Variants in TRABD2A observed in about 807,000 individuals in gnomAD.
The protein encoded by TRABD2A is TraB domain containing 2A.
In TRABD2A, 43 loss-of-function variants were observed where a neutral mutation model predicts 45.6. The ratio of observed to expected loss-of-function variants is 0.94; its 90% CI spans 0.74 to 1.22. The LOEUF is 1.22. Among genes scored for constraint, TRABD2A ranks in the 50% most tolerant of loss-of-function variants. TRABD2A has a pLI of 0.00. For missense variants in TRABD2A, 642 were observed against 652.4 expected, an observed-to-expected ratio of 0.98 and a Z score of 0.17; for synonymous variants, 269 against 265.0, an observed-to-expected ratio of 1.02 and a Z score of -0.15.
intron 4 of TRABD2A, chr2:84,837,989 A>G: frequency 2.4e-6 from 1 of 424,456 alleles, no homozygotes; most frequent in East Asian, 3.5e-5. Flanking sequence ...AACAGCTGCT[A>G]CTGATTGTTT....
Position 84,881,024 on chromosome 2 carries a change from A to C in TRABD2A, c.16T>G (p.Trp6Gly). 1 of 1,604,558 alleles carries C rather than the reference A, an allele frequency of 6.2e-7. No individual in the cohort carries two copies. Among genetic ancestry groups the C allele is most frequent in the Non-Finnish European group, 8.5e-7 (1 of 1,176,466 alleles). The stretch of plus-strand genomic sequence containing the variant: ...AGGCAGAGGGTCTGCAGCAGGAACC[A>C]GCTCCAGGGACTCATCCTCCTCAAG... MSPWS[W>G]FLLQTLCLLP... Residue 6 changes from tryptophan to glycine, a missense_variant, in exon 1 of 7, where the codon TGG becomes GGG. Trp to Gly is a radical substitution (Grantham distance 184). Coordinates refer to ENST00000409520, the MANE Select transcript of TRABD2A (RefSeq NM_001277053.2).
At chr2:84,860,847 G>T (rs552493041) in intron 2 of TRABD2A, among the ~76,000 whole-genome samples, 1 of 152,340 alleles carries the variant, frequency 6.6e-6, no homozygotes, top group Admixed American at 6.5e-5. Flanking sequence ...AGGTGGAGAA[G>T]GTGTGTGGGG....
At chr2:84,846,347 A>G (rs993422191) in intron 2 of TRABD2A, among the ~76,000 whole-genome samples, 2 of 152,216 alleles carry the variant, frequency 1.3e-5, no homozygotes, top group South Asian at 2.1e-4. Context: ...CATGGCTTTC[A>G]TGTGTGCTTA....
chr2:84,857,911 T>G (rs1189760331), intron 2 of TRABD2A, among the ~76,000 whole-genome samples: 4 of 152,214 alleles, frequency 2.6e-5, no homozygotes, highest in African/African-American at 9.6e-5. Context: ...AGTCTTGCTC[T>G]GTCACCCGGG....
intron 2 of TRABD2A, among the ~76,000 whole-genome samples, chr2:84,861,313 T>C (rs1399625528): frequency 5.9e-5 from 9 of 152,110 alleles, no homozygotes; most frequent in African/African-American, 2.2e-4. Context: ...CTCCATAGAG[T>C]AGAATCCGTA....
At chr2:84,838,008 C>A in intron 4 of TRABD2A, 1 of 449,044 alleles carries the variant, frequency 2.2e-6, no homozygotes, top group South Asian at 5.7e-5. Flanking sequence ...TTTCAACACA[C>A]ACCCTAAGAA....
intron 2 of TRABD2A, among the ~76,000 whole-genome samples, chr2:84,862,408 G>A (rs771946299): frequency 6.6e-5 from 10 of 152,150 alleles, no homozygotes; most frequent in Non-Finnish European, 1.2e-4. Flanking sequence ...GGGTTTCAAA[G>A]GAGCTCTCTA....
chr2:84,850,416 A>G (rs1360951850), intron 2 of TRABD2A, among the ~76,000 whole-genome samples: 7 of 152,090 alleles, frequency 4.6e-5, no homozygotes, highest in Non-Finnish European at 7.4e-5. Flanking sequence ...CTTGGGGAAG[A>G]AGATGGTGGT....
In TRABD2A at chr2:84,841,909, A is replaced by G; in HGVS notation, c.768T>C (p.Tyr256=). Residue 256 remains tyrosine, a synonymous_variant, in exon 3 of 7, where the codon TAT becomes TAC. Coordinates refer to ENST00000409520, the MANE Select transcript of TRABD2A (RefSeq NM_001277053.2). ...TGACGGAGCTGAGGTCCCCGCAGTT[A>G]TAGTGTTTGATGAGATCCTCCGTCG... The part of the protein sequence containing the change: ...PYTTEDLIKH[Y]NCGDLSSVIL... 3 of 1,548,312 alleles carry G rather than the reference A, an allele frequency of 1.9e-6. No homozygotes were observed. The highest frequency in any genetic ancestry group is 1.2e-5 in the South Asian group (1 of 83,778).
chr2:84,828,608 A>T (rs1029190472), intron 5 of TRABD2A, among the ~76,000 whole-genome samples: 2 of 152,136 alleles, frequency 1.3e-5, no homozygotes, highest in African/African-American at 4.8e-5. Context: ...ACCTGGGACC[A>T]CTGTATGCAC....
chr2:84,868,234 C>A (rs973729140), intron 2 of TRABD2A, among the ~76,000 whole-genome samples: 1 of 152,124 alleles, frequency 6.6e-6, no homozygotes, highest in African/African-American at 2.4e-5. Flanking sequence ...GGCACATATA[C>A]GCCTTGGAAT....
chr2:84,860,413 CA>C (rs889644755), intron 2 of TRABD2A, among the ~76,000 whole-genome samples: 1 of 152,172 alleles, frequency 6.6e-6, no homozygotes, highest in Admixed American at 6.5e-5. Flanking sequence ...GACGTGAAGA[CA>C]GAAGGAGAAG....
intron 6 of TRABD2A, among the ~76,000 whole-genome samples, chr2:84,823,071 A>C (rs1681044086): frequency 6.6e-6 from 1 of 152,134 alleles, no homozygotes; most frequent in Non-Finnish European, 1.5e-5. Flanking sequence ...GCAGGCCCTG[A>C]ATCCCTGCGT....
chr2:84,878,509 A>T (rs1172235401), intron 1 of TRABD2A, among the ~76,000 whole-genome samples: 1 of 150,046 alleles, frequency 6.7e-6, no homozygotes, highest in Non-Finnish European at 1.5e-5. Flanking sequence ...TGGGTGACAG[A>T]TAGAGCAAGA....
At chr2:84,869,204 T>C (rs1682788828) in intron 2 of TRABD2A, among the ~76,000 whole-genome samples, 1 of 152,264 alleles carries the variant, frequency 6.6e-6, no homozygotes, top group Non-Finnish European at 1.5e-5. Context: ...CTGAGCTATT[T>C]GGATTAACAG....
rs750372380 is a variant in TRABD2A at position 84,880,990 on chromosome 2, G to T, written c.50C>A (p.Thr17Lys). Residue 17 changes from threonine to lysine, a missense_variant, in exon 1 of 7, where the codon ACG (threonine) becomes AAG (lysine). Transcript: ENST00000409520. Reference sequence around the variant, plus strand: ...CGCCCCGCGCCGCGAAGCTGCGCCCGTGGGCAGGAGGCAGAGGGTCTGCAG... The same window carrying T: ...CGCCCCGCGCCGCGAAGCTGCGCCCTTGGGCAGGAGGCAGAGGGTCTGCAG... ...FLLQTLCLLP[T>K]GAASRRGAPG... 2 of 1,605,584 alleles carry T rather than the reference G, an allele frequency of 1.2e-6. No individual in the cohort carries two copies. The highest frequency in any genetic ancestry group is 1.7e-6 in the Non-Finnish European group (2 of 1,176,928).
chr2:84,867,859 G>C (rs1682734573), intron 2 of TRABD2A, among the ~76,000 whole-genome samples: 1 of 152,208 alleles, frequency 6.6e-6, no homozygotes, highest in African/African-American at 2.4e-5. Context: ...GGCCATCAGA[G>C]AAATGCAAAT....
chr2:84,856,987 G>C (rs1294218301), intron 2 of TRABD2A, among the ~76,000 whole-genome samples: 4 of 152,202 alleles, frequency 2.6e-5, no homozygotes, highest in African/African-American at 9.7e-5. Flanking sequence ...AAGAGGAAGA[G>C]TCGCCAGAGC....
At chr2:84,826,320 G>A (rs1428058398) in intron 5 of TRABD2A, among the ~76,000 whole-genome samples, 2 of 152,220 alleles carry the variant, frequency 1.3e-5, no homozygotes, top group Non-Finnish European at 2.9e-5. Flanking sequence ...GCCAAGGCCA[G>A]GGCTTAAGAG....
Sources: gnomAD v4.1 joint callset for allele counts (sites outside exome capture counted in the v4.1 genomes callset) on GRCh38, gnomAD v4.1.1 for gene constraint, MANE v1.5 for transcripts, NCBI Gene and HGNC (gene_info 2026-07-23, HGNC 2026-07-21) for gene names.